ADAMTS9: variants seen among roughly 807,000 people sequenced by gnomAD.
The protein encoded by ADAMTS9 is A disintegrin and metalloproteinase with thrombospondin motifs 9.
In ADAMTS9, 107 loss-of-function variants were observed where a neutral mutation model predicts 257.1. The observed-to-expected ratio is 0.42, with a 90% CI of 0.36 to 0.49. The LOEUF is 0.49. Ranked by LOEUF, ADAMTS9 falls within the 20% of genes least tolerant of loss-of-function variation. The pLI, the probability that ADAMTS9 is intolerant of heterozygous loss-of-function variation, is 0.03. For synonymous variants in ADAMTS9, 982 were observed against 880.9 expected (o/e 1.11, Z -2.03); for missense variants, 2,353 against 2,469.1 (o/e 0.95, Z 1.00).
chr3:64,622,094 G>T, intron 18 of ADAMTS9, 104 bp downstream of exon 18: 1 of 1,236,532 alleles, frequency 8.1e-7, no homozygotes, highest in Non-Finnish European at 1.1e-6. Context: ...AACGTATGCA[G>T]ATAGAAGGGT....
chr3:64,580,436 T>C (rs1439451463), intron 28 of ADAMTS9, among the ~76,000 whole-genome samples: 1 of 152,152 alleles, frequency 6.6e-6, no homozygotes, highest in East Asian at 1.9e-4. Flanking sequence ...CTACAGCCAG[T>C]CCCCACGAAG....
chr3:64,653,060 A>G (rs977639163), intron 8 of ADAMTS9, among the ~76,000 whole-genome samples: 6 of 152,226 alleles, frequency 3.9e-5, no homozygotes, highest in Non-Finnish European at 7.3e-5. Flanking sequence ...AATATTGCAA[A>G]AATCTGAGAC....
intron 28 of ADAMTS9, chr3:64,587,415 G>T (rs938877320): frequency 1.3e-5 from 2 of 152,094 alleles, no homozygotes; most frequent in African/African-American, 4.8e-5. Flanking sequence ...TGCCCTGTCC[G>T]ATATGGTAGC....
rs570398313 is a variant in ADAMTS9, at chr3:64,679,203, A to G, written c.679+1998T>C. ...CAGCCCAGGAAATCAAATGTCCATT[A>G]ACTTGCATAATTAATATTTTAAAAT... On this transcript the variant is annotated intron_variant, in intron 3 of 39. Transcript: ENST00000498707. Among the ~76,000 whole-genome samples, 19 of 152,326 alleles carry G rather than the reference A, an allele frequency of 1.2e-4. No individual in the cohort carries two copies. In the South Asian group the frequency reaches 3.7e-3, roughly 30 times the overall value.
intron 11 of ADAMTS9, among the ~76,000 whole-genome samples, chr3:64,642,602 G>A (rs777011199): frequency 2.0e-5 from 3 of 152,156 alleles, no homozygotes; most frequent in Non-Finnish European, 4.4e-5. Flanking sequence ...CAGGAAGAAG[G>A]CCATGACGTT....
chr3:64,601,754 T>G (rs554862828), intron 26 of ADAMTS9, among the ~76,000 whole-genome samples, 190 bp downstream of exon 26: 2 of 152,086 alleles, frequency 1.3e-5, no homozygotes, highest in African/African-American at 4.8e-5. Flanking sequence ...AGCTTATAGG[T>G]GGACGCAGGC....
intron 8 of ADAMTS9, among the ~76,000 whole-genome samples, chr3:64,654,114 G>A (rs1354868626): frequency 1.3e-5 from 2 of 152,200 alleles, no homozygotes; most frequent in African/African-American, 4.8e-5. Flanking sequence ...TATTAAACTT[G>A]AGCAGTTAAA....
chr3:64,568,624 T>C, intron 28 of ADAMTS9, 89 bp from the exon 29 acceptor site: 2 of 1,460,182 alleles, frequency 1.4e-6, no homozygotes. Context: ...GTTAAGACAA[T>C]GCCTAACAAG....
In ADAMTS9 at chr3:64,527,585, G is replaced by C. The variant is rs116279740; in HGVS notation, c.5719-5325C>G. On this transcript the variant is annotated intron_variant, in intron 38 of 39. Coordinates refer to ENST00000498707, the MANE Select transcript of ADAMTS9 (RefSeq NM_182920.2). ...ATGATTATGGGGCTAAAATCTGCCT[G>C]GGTCAAGATTACATGCAATGAAATT... 6.0e-3 allele frequency among the ~76,000 whole-genome samples: 912 copies of C among 152,034 alleles called. 14 individuals carry two copies. Among genetic ancestry groups the C allele is most frequent in the African/African-American group, 0.02 (843 of 41,472 alleles).
At chr3:64,626,404 T>C (rs965841491) in intron 16 of ADAMTS9, among the ~76,000 whole-genome samples, 54 of 152,200 alleles carry the variant, frequency 3.5e-4, no homozygotes, top group African/African-American at 1.3e-3. Flanking sequence ...TGTATACAAA[T>C]AGAAACTAAG....
At chr3:64,650,968 T>C (rs773399852) in intron 9 of ADAMTS9, 49 bp downstream of exon 9, 3 of 1,541,274 alleles carry the variant, frequency 1.9e-6, no homozygotes, top group Non-Finnish European at 2.6e-6. Context: ...GTTCACTACA[T>C]GTAGGCCAGG....
intron 2 of ADAMTS9, among the ~76,000 whole-genome samples, chr3:64,684,063 TGAA>T (rs1701829614): frequency 6.6e-6 from 1 of 152,116 alleles, no homozygotes; most frequent in Non-Finnish European, 1.5e-5. Flanking sequence ...ACAAAGGCAA[TGAA>T]GACTAGGATT....
At chr3:64,680,443 G>C (rs1328909072) in intron 3 of ADAMTS9, among the ~76,000 whole-genome samples, 1 of 152,186 alleles carries the variant, frequency 6.6e-6, no homozygotes, top group Non-Finnish European at 1.5e-5. Flanking sequence ...CCTATCATCA[G>C]GCAGAAAGTA....
intron 28 of ADAMTS9, among the ~76,000 whole-genome samples, chr3:64,585,303 A>G (rs1190653702): frequency 1.3e-5 from 2 of 152,124 alleles, no homozygotes; most frequent in African/African-American, 4.8e-5. Context: ...TCCCAAGCGT[A>G]ACTGTTTTAT....
chr3:64,626,787 G>A (rs1383078618), intron 16 of ADAMTS9, among the ~76,000 whole-genome samples: 7 of 152,198 alleles, frequency 4.6e-5, no homozygotes, highest in Admixed American at 4.6e-4. Context: ...AGTGATTGAT[G>A]GAGTCTGACA....
At chr3:64,665,548 T>C (rs1433781046) in intron 3 of ADAMTS9, among the ~76,000 whole-genome samples, 1 of 152,196 alleles carries the variant, frequency 6.6e-6, no homozygotes, top group Non-Finnish European at 1.5e-5. Flanking sequence ...TTTTTGCCAG[T>C]CACAAAGTCA....
chr3:64,565,994 C>T (rs928469136), intron 29 of ADAMTS9, among the ~76,000 whole-genome samples: 5 of 152,156 alleles, frequency 3.3e-5, no homozygotes, highest in African/African-American at 1.2e-4. Context: ...TAGTTTCTAT[C>T]CGAATATCCT....
At chr3:64,633,302 A>C (rs1297616008) in intron 14 of ADAMTS9, among the ~76,000 whole-genome samples, 170 bp downstream of exon 14, 2 of 152,162 alleles carry the variant, frequency 1.3e-5, no homozygotes, top group Non-Finnish European at 2.9e-5. Context: ...CACTACACGC[A>C]TCAGAAAAAA....
At chr3:64,685,928 C>G (rs1701892726) in intron 2 of ADAMTS9, among the ~76,000 whole-genome samples, 1 of 152,194 alleles carries the variant, frequency 6.6e-6, no homozygotes, top group Non-Finnish European at 1.5e-5. Flanking sequence ...CAATTCAAAG[C>G]GTCCGGGGTA....
Sources: gnomAD v4.1 joint callset for allele counts (sites outside exome capture counted in the v4.1 genomes callset) on GRCh38, gnomAD v4.1.1 for gene constraint, MANE v1.5 for transcripts, NCBI Gene and HGNC (gene_info 2026-07-23, HGNC 2026-07-21) for gene names.